The following ELMO1 variants were observed in gnomAD, a reference collection of about 807,000 sequenced individuals.
ELMO1 encodes the protein engulfment and cell motility protein 1.
ELMO1 carries 26 observed loss-of-function variants against 98.9 expected under a neutral mutation model. The observed-to-expected ratio is 0.26, with a 90% CI of 0.19 to 0.36. The LOEUF is 0.36. ELMO1 is among the 10% of genes least tolerant of loss of function. The pLI is 1.00. For synonymous variants in ELMO1, 346 were observed against 346.0 expected, an observed-to-expected ratio of 1.00 and a Z score of 0.00; for missense variants, 627 against 935.2, an observed-to-expected ratio of 0.67 and a Z score of 4.30.
At chr7:37,428,045 G>GTGTGTC in intron 1 of ELMO1, among the ~76,000 whole-genome samples, 1 of 151,836 alleles carries the variant, frequency 6.6e-6, no homozygotes, top group Admixed American at 6.6e-5. Flanking sequence ...GTGTGTGTGT[G>GTGTGTC]TGTGTGTGTG....
At chr7:37,262,992 A>G (rs1584889488) in intron 5 of ELMO1, among the ~76,000 whole-genome samples, 1 of 152,324 alleles carries the variant, frequency 6.6e-6, no homozygotes, top group Admixed American at 6.5e-5. Flanking sequence ...GGTGCTCCAC[A>G]GAGGTGAGTC....
At chr7:37,126,466 G>A (rs974151318) in intron 14 of ELMO1, among the ~76,000 whole-genome samples, 1 of 151,806 alleles carries the variant, frequency 6.6e-6, no homozygotes, top group African/African-American at 2.4e-5. Context: ...TTTAAAATTA[G>A]GTCACTGGGA....
intron 13 of ELMO1, among the ~76,000 whole-genome samples, chr7:37,151,559 T>C (rs1002081847): frequency 5.9e-5 from 9 of 152,302 alleles, no homozygotes; most frequent in South Asian, 2.1e-4. Context: ...CTGGCCATTT[T>C]TGACGTACAA....
At chr7:37,225,063 C>T (rs776201978) in intron 8 of ELMO1, 33 bp from the exon 9 acceptor site, 8 of 1,613,032 alleles carry the variant, frequency 5.0e-6, no homozygotes, top group South Asian at 1.1e-5. Context: ...ATTGACTGCT[C>T]GTGGTAAGTA....
intron 15 of ELMO1, among the ~76,000 whole-genome samples, chr7:37,070,766 C>G (rs963253926): frequency 6.6e-6 from 1 of 152,134 alleles, no homozygotes; most frequent in African/African-American, 2.4e-5. Context: ...ACTAACCACA[C>G]CTGGATTAAT....
At chr7:37,240,614 G>A (rs1259464718) in intron 7 of ELMO1, among the ~76,000 whole-genome samples, 4 of 151,650 alleles carry the variant, frequency 2.6e-5, no homozygotes, top group Non-Finnish European at 5.9e-5. Flanking sequence ...GATATTTAAT[G>A]CTACAAATTT....
In ELMO1 at chr7:37,244,293, C is replaced by G. The variant is rs571634456; in HGVS notation, c.449+63G>C. On this transcript the variant is annotated intron_variant, in intron 7 of 21. Coordinates refer to ENST00000310758, the MANE Select transcript of ELMO1 (RefSeq NM_014800.11). ...TTATACAATCAGTCAGATGACAGGG[C>G]TCAATTATGCAGGAAAGTAGGAAGG... The G allele has an allele frequency of 1.9e-5, 29 of 1,542,944 alleles. No individual in the cohort carries two copies. The East Asian group carries it at 5.9e-4, about 31-fold the overall frequency.
At chr7:37,022,495 C>G (rs534675868) in intron 15 of ELMO1, among the ~76,000 whole-genome samples, 1 of 152,118 alleles carries the variant, frequency 6.6e-6, no homozygotes, top group African/African-American at 2.4e-5. Flanking sequence ...CTTTTTAAGT[C>G]ACAGAAAAAA....
intron 1 of ELMO1, among the ~76,000 whole-genome samples, chr7:37,366,930 T>C (rs1294108365): frequency 6.6e-6 from 1 of 152,216 alleles, no homozygotes; most frequent in Non-Finnish European, 1.5e-5. Context: ...TTTGAGAAAG[T>C]AAACAAAGAT....
chr7:36,859,960 C>G (rs1802488964), intron 21 of ELMO1, among the ~76,000 whole-genome samples: 1 of 152,184 alleles, frequency 6.6e-6, no homozygotes, highest in Non-Finnish European at 1.5e-5. Context: ...CCTCTTCCTT[C>G]TCCCTCATCC....
chr7:37,148,035 C>G (rs1788111647), intron 13 of ELMO1, among the ~76,000 whole-genome samples: 1 of 152,134 alleles, frequency 6.6e-6, no homozygotes, highest in African/African-American at 2.4e-5. Flanking sequence ...CTGAGCAATA[C>G]TGTAGTCAGG....
In ELMO1 at chr7:36,870,411, A is replaced by G; in HGVS notation, c.1887T>C (p.Gly629=). ...GKDCPHMKEK[G]ALKQNKEVLE... is the part of the protein sequence containing the mutation. The stretch of plus-strand genomic sequence containing the variant: ...ATCATACCTTGTTTTGTTTAAGGGC[A>G]CCTTTCTCTTTCATATGAGGGCAGT... Residue 629 remains glycine, a synonymous_variant, in exon 20 of 22, where the codon GGT becomes GGC. Coordinates refer to ENST00000310758, the MANE Select transcript of ELMO1 (RefSeq NM_014800.11). The surrounding 1 kb of genome is among the most constrained non-coding windows in gnomAD (Gnocchi z 4.4). The G allele has an allele frequency of 6.2e-7, 1 of 1,614,114 alleles. No individual in the cohort carries two copies. Among genetic ancestry groups the G allele is most frequent in the Non-Finnish European group, 8.5e-7 (1 of 1,179,984 alleles).
intron 16 of ELMO1, among the ~76,000 whole-genome samples, chr7:36,946,446 T>C (rs114793934): frequency 1.2e-3 from 190 of 152,130 alleles, no homozygotes; most frequent in African/African-American, 4.2e-3. Flanking sequence ...AGACAAAGAG[T>C]TGTCAAGACC....
At chr7:37,272,893 TC>T (rs1209514960) in intron 4 of ELMO1, among the ~76,000 whole-genome samples, 3 of 152,164 alleles carry the variant, frequency 2.0e-5, no homozygotes, top group Non-Finnish European at 4.4e-5. Flanking sequence ...GAATGACTGC[TC>T]CATGGGTCCA....
chr7:37,183,100 TAAATGGAA>T (rs1381113454), intron 13 of ELMO1, among the ~76,000 whole-genome samples: 1 of 152,160 alleles, frequency 6.6e-6, no homozygotes, highest in Non-Finnish European at 1.5e-5. Flanking sequence ...AGAACAATTT[TAAATGGAA>T]ATAGTTTAGG....
chr7:37,194,629 G>A (rs1423384001), intron 13 of ELMO1, among the ~76,000 whole-genome samples: 1 of 152,104 alleles, frequency 6.6e-6, no homozygotes, highest in African/African-American at 2.4e-5. Context: ...CCTCAAAGGA[G>A]CAGAAATTGA....
At chr7:37,299,185 T>C (rs1431317266) in intron 4 of ELMO1, among the ~76,000 whole-genome samples, 1 of 82,720 alleles carries the variant, frequency 1.2e-5, no homozygotes, top group Non-Finnish European at 2.4e-5. Context: ...TTTGAGTTCA[T>C]TGTAGATTCT....
intron 6 of ELMO1, among the ~76,000 whole-genome samples, chr7:37,252,814 A>C (rs1211834244): frequency 1.3e-5 from 2 of 152,114 alleles, no homozygotes; most frequent in African/African-American, 4.8e-5. Context: ...TGGGAGAAAA[A>C]TTTTGCAATA....
rs1436867509 is a variant in ELMO1, at chr7:36,895,017, C to G, written c.1438G>C (p.Val480Leu). 1 of 1,612,860 alleles carries G rather than the reference C, an allele frequency of 6.2e-7. No homozygotes were observed. Among genetic ancestry groups the G allele is most frequent in the Non-Finnish European group, 8.5e-7 (1 of 1,179,654 alleles). ...MRATSEDFNK[V>L]MQVVKEQVMR... Reference sequence around the variant, plus strand: ...ACCTGCTCCTTCACCACCTGCATTACCTGAAGATGAAAGGAAGACCATCAT... The same window carrying G: ...ACCTGCTCCTTCACCACCTGCATTAGCTGAAGATGAAAGGAAGACCATCAT... The change falls in exon 17 of 22, where the codon GTA becomes CTA. Residue 480 changes from valine (V) to leucine (L), a missense_variant and splice_region_variant. By Grantham distance (32) the Val-to-Leu change is conservative. Transcript: ENST00000310758.
Sources: gnomAD v4.1 joint callset for allele counts (sites outside exome capture counted in the v4.1 genomes callset) on GRCh38, gnomAD v4.1.1 for gene constraint, Gnocchi (gnomAD v3.1) non-coding constraint, MANE v1.5 for transcripts, NCBI Gene and HGNC (gene_info 2026-07-23, HGNC 2026-07-21) for gene names.